Variants in DNMT3A observed in about 807,000 individuals in gnomAD.
The protein encoded by DNMT3A is DNA methyltransferase 3 alpha, also known as DNA (cytosine-5)-methyltransferase 3A.
In DNMT3A, 267 loss-of-function variants were observed where a neutral mutation model predicts 117.6. The observed-to-expected ratio is 2.27, with a 90% CI of 2.05 to 2.51. The LOEUF (loss-of-function observed/expected upper bound fraction) is 2.51. DNMT3A is among the 30% of genes most tolerant of loss of function. The pLI is 0.00. For missense variants in DNMT3A, 1,029 were observed against 1,260.2 expected, an observed-to-expected ratio of 0.82 and a Z score of 2.78; for synonymous variants, 432 against 474.8, an observed-to-expected ratio of 0.91 and a Z score of 1.17.
chr2:25,238,101 G>T, intron 20 of DNMT3A, among the ~76,000 whole-genome samples: 1 of 152,222 alleles, frequency 6.6e-6, no homozygotes, highest in African/African-American at 2.4e-5. Context: ...AAAGAAGCAG[G>T]CGAGAAATCC....
intron 2 of DNMT3A, among the ~76,000 whole-genome samples, chr2:25,302,254 G>C (rs1314138426): frequency 6.6e-6 from 1 of 152,198 alleles, no homozygotes; most frequent in African/African-American, 2.4e-5. Flanking sequence ...AGCAAGGAAG[G>C]GGAGGGCTGC....
intron 6 of DNMT3A, chr2:25,249,749 A>G (rs1473006849): frequency 1.2e-6 from 2 of 1,613,456 alleles, no homozygotes; most frequent in South Asian, 2.2e-5. Flanking sequence ...GAAATCCTTG[A>G]TACTTAGCTC....
At chr2:25,280,007 G>C (rs1254439155) in intron 4 of DNMT3A, among the ~76,000 whole-genome samples, 2 of 151,998 alleles carry the variant, frequency 1.3e-5, no homozygotes, top group Non-Finnish European at 2.9e-5. Context: ...CCAAATTTTG[G>C]AGGTCAAGGA....
intron 1 of DNMT3A, among the ~76,000 whole-genome samples, chr2:25,335,549 T>C (rs929514850): frequency 6.6e-6 from 1 of 152,160 alleles, no homozygotes; most frequent in African/African-American, 2.4e-5. Flanking sequence ...TAAGCATCTT[T>C]TTACCTTTTC....
chr2:25,310,609 C>T (rs2034059550), intron 2 of DNMT3A, among the ~76,000 whole-genome samples: 1 of 152,170 alleles, frequency 6.6e-6, no homozygotes, highest in Admixed American at 6.5e-5. Flanking sequence ...GGATTATTCT[C>T]CTGTGGGAGG....
intron 6 of DNMT3A, among the ~76,000 whole-genome samples, chr2:25,263,486 T>G (rs1016239581): frequency 1.3e-5 from 2 of 152,122 alleles, no homozygotes; most frequent in Non-Finnish European, 2.9e-5. Flanking sequence ...TAGTATCATG[T>G]TTATTTACCA....
chr2:25,256,897 G>T (rs1676183672), intron 6 of DNMT3A, among the ~76,000 whole-genome samples: 1 of 152,230 alleles, frequency 6.6e-6, no homozygotes, highest in Non-Finnish European at 1.5e-5. Flanking sequence ...TATGGAAGCA[G>T]TGTGGGCTAG....
At chr2:25,275,410 G>GGGCCCC in intron 5 of DNMT3A, 90 bp downstream of exon 5, 1 of 1,451,162 alleles carries the variant, frequency 6.9e-7, no homozygotes, top group Non-Finnish European at 9.4e-7. Context: ...AGGAGGAGGG[G>GGGCCCC]CCCACCCTCC....
At chr2:25,241,735 A>C (rs1339496768) in intron 16 of DNMT3A, 28 bp from the exon 17 acceptor site, 1 of 1,609,958 alleles carries the variant, frequency 6.2e-7, no homozygotes, top group Non-Finnish European at 8.5e-7. Flanking sequence ...CAGCACCGTT[A>C]CTTGGAGCCA....
intron 2 of DNMT3A, among the ~76,000 whole-genome samples, chr2:25,301,932 T>A (rs572227280): frequency 6.6e-6 from 1 of 152,314 alleles, no homozygotes; most frequent in East Asian, 1.9e-4. Flanking sequence ...CCTTGTGGTT[T>A]GCCACATTAA....
intron 18 of DNMT3A, 58 bp downstream of exon 18, chr2:25,240,582 G>A: frequency 6.2e-7 from 1 of 1,607,446 alleles, no homozygotes; most frequent in Non-Finnish European, 8.5e-7. Context: ...TATCCAAGGA[G>A]GAAGCCTATG....
chr2:25,332,639 C>T (rs993904993), intron 1 of DNMT3A, among the ~76,000 whole-genome samples: 5 of 152,194 alleles, frequency 3.3e-5, no homozygotes, highest in Admixed American at 6.5e-5. Flanking sequence ...CTCGCCATGC[C>T]GTGCCCTGGC....
rs1674640326 is a variant in DNMT3A, at chr2:25,245,442, A to G, written c.1475-110T>C. ...CAAAAAAGGGGTGTGCCAGAGCGGC[A>G]GCCAGAAAAGAGTCCAGGGTGCCCC... On this transcript the variant is annotated intron_variant, in intron 12 of 22. Coordinates refer to ENST00000321117, the MANE Select transcript of DNMT3A (RefSeq NM_022552.5). 5.1e-6 allele frequency: 5 copies of G among 975,552 alleles called. No individual in the cohort carries two copies. In the South Asian group the frequency reaches 5.9e-5, roughly 12 times the overall value. The allele number at this position is 975,552 out of a possible 1,614,324, so 60.4% of individuals were successfully genotyped here. A position where few individuals can be genotyped will look rare whatever the true frequency, so the allele number is the denominator to read the frequency against.
chr2:25,249,987 G>A (rs535958389), intron 6 of DNMT3A, among the ~76,000 whole-genome samples: 2 of 152,226 alleles, frequency 1.3e-5, no homozygotes, highest in Admixed American at 1.3e-4. Flanking sequence ...ATCTGAAGTT[G>A]CAGCCTCTAC....
chr2:25,263,261 C>A (rs1676763678), intron 6 of DNMT3A, among the ~76,000 whole-genome samples: 1 of 152,108 alleles, frequency 6.6e-6, no homozygotes, highest in African/African-American at 2.4e-5. Context: ...AGGATGCCTG[C>A]CTCCTCCAGG....
At chr2:25,242,732 G>C (rs1573320729) in intron 16 of DNMT3A, among the ~76,000 whole-genome samples, 1 of 152,040 alleles carries the variant, frequency 6.6e-6, no homozygotes, top group African/African-American at 2.4e-5. Flanking sequence ...GCCCTTGGCT[G>C]GGGGGGCAGG....
Position 25,235,765 on chromosome 2 carries a change from GCTGGT to G in DNMT3A, c.2534_2538del (p.Asp845AlafsTer8), listed in dbSNP as rs758601271. 1 of 1,614,188 alleles carries G rather than the reference GCTGGT, an allele frequency of 6.2e-7. No homozygotes were observed. On this transcript the variant is annotated frameshift_variant, in exon 22 of 23. Transcript: ENST00000321117. LOFTEE classifies it high-confidence loss of function. ...TTCTCATTCATGAAGACAGGAAAAT[GCTGGT>G]CTTTGCCCTGCTTTATGGAGTTTGA...
intron 1 of DNMT3A, chr2:25,314,487 T>C (rs1295599374): frequency 1.0e-6 from 1 of 984,994 alleles, no homozygotes; most frequent in Non-Finnish European, 1.2e-6. Flanking sequence ...GCTTCCCGCA[T>C]CCTCCCTCCC....
At chr2:25,279,413 C>T (rs1278353134) in intron 4 of DNMT3A, among the ~76,000 whole-genome samples, 3 of 152,200 alleles carry the variant, frequency 2.0e-5, no homozygotes, top group Admixed American at 2.0e-4. Flanking sequence ...CCTTAGTCTC[C>T]TTCCTCATCT....
Sources: allele counts gnomAD v4.1 joint callset (sites outside exome capture counted in the v4.1 genomes callset), GRCh38; gene constraint gnomAD v4.1.1; transcripts MANE v1.5; gene names NCBI Gene and HGNC (gene_info 2026-07-23, HGNC 2026-07-21).